Variants in ZNF117 observed in about 807,000 individuals in gnomAD.
ZNF117 encodes the protein zinc finger protein 117, also known as Krueppel-related zinc finger protein.
In ZNF117, 37 loss-of-function variants were observed where a neutral mutation model predicts 41.2. The observed-to-expected ratio is 0.90, with a 90% CI of 0.69 to 1.18. The LOEUF (loss-of-function observed/expected upper bound fraction) is 1.18. Among genes scored for constraint, ZNF117 ranks in the 50% most tolerant of loss-of-function variants. The pLI is 0.00. For missense variants in ZNF117, 546 were observed against 557.5 expected (o/e 0.98, Z 0.21); for synonymous variants, 186 against 186.6 (o/e 1.00, Z 0.02).
At chr7:64,978,071 A>T (rs1203432893) in exon 3 of ZNF117, 2 of 1,565,312 alleles carry the variant, frequency 1.3e-6, no homozygotes. Context: ...CACACTTGTA[A>T]GGTTTCTCTC....
chr7:64,974,592 A>G (rs1160933643), exon 3 of ZNF117: 2 of 151,946 alleles, frequency 1.3e-5, no homozygotes, highest in Non-Finnish European at 3.0e-5. Context: ...ATTTATTTTT[A>G]GAGTAATATA....
chr7:64,976,050 A>G (rs1489203165), exon 3 of ZNF117: 1 of 152,196 alleles, frequency 6.6e-6, no homozygotes, highest in Non-Finnish European at 1.5e-5. Flanking sequence ...CCTTTAGTAC[A>G]TAATGTGTAC....
exon 3 of ZNF117, chr7:64,977,581 T>C (rs1584045627): frequency 3.4e-6 from 2 of 581,684 alleles, no homozygotes; most frequent in East Asian, 5.0e-5. Flanking sequence ...TTCTCTCCAG[T>C]ATGAATTCTT....
chr7:64,978,773 TTCAG>T lies in ZNF117; in HGVS notation c.794_797del (p.Thr265AsnfsTer88). On this transcript the variant is annotated frameshift_variant, in exon 3 of 3. Transcript: ENST00000620222. LOFTEE classifies it high-confidence loss of function. Reference sequence around the variant, plus strand: ...TCTCTCCAGTATGAATGTACTTATGTTCAGTAAGTTTTGAGGATCGGTTAAAAGC... The same window carrying T: ...TCTCTCCAGTATGAATGTACTTATGTTAAGTTTTGAGGATCGGTTAAAAGC... The T allele has an allele frequency of 6.2e-7, 1 of 1,613,440 alleles. No homozygotes were observed.
chr7:64,979,658 G>C (rs1785982037), intron 2 of ZNF117, 122 bp from the exon 4 acceptor site: 3 of 677,756 alleles, frequency 4.4e-6, no homozygotes, highest in Non-Finnish European at 6.6e-6. Flanking sequence ...AATACCACAG[G>C]TTCTAATTCC....
chr7:64,990,346 G>C (rs1345648942), exon 1 of ZNF117: 1 of 166,790 alleles, frequency 6.0e-6, no homozygotes, highest in African/African-American at 2.4e-5. Context: ...CAGGAGGCCG[G>C]AGAGATCACT....
downstream of ZNF117, chr7:64,973,096 G>A (rs1449401145): frequency 1.3e-5 from 2 of 151,778 alleles, no homozygotes; most frequent in Non-Finnish European, 2.9e-5. Context: ...CTATAGTTAG[G>A]TGACAAAAAG....
chr7:64,982,144 A>G, upstream of ZNF117: 1 of 763,646 alleles, frequency 1.3e-6, no homozygotes, highest in Non-Finnish European at 2.2e-6. Flanking sequence ...ACACACATAC[A>G]CAAAATCACA....
chr7:64,990,964 C>T lies in ZNF117; in HGVS notation c.-1213G>A, dbSNP rs567539508. The T allele has an allele frequency of 2.8e-6, 1 of 355,702 alleles. No homozygotes were observed. The highest frequency in any genetic ancestry group is 4.3e-5 in the Admixed American group (1 of 23,110). 22.0% of individuals were successfully genotyped at this position (355,702 alleles called of 1,614,324 possible). On this transcript the variant is annotated 5_prime_UTR_variant, in exon 1 of 4. The change creates a new upstream start codon in the 5' untranslated region. Coordinates refer to the ZNF117 transcript ENST00000282869. ...AAGTAAAGTTTAAGAGAAAGCATCA[C>T]TATCTTCATTTACTTCAAGAGGAAG...
chr7:64,981,249 G>T, intron 2 of ZNF117, 138 bp downstream of exon 3: 1 of 1,100,318 alleles, frequency 9.1e-7, no homozygotes, highest in Non-Finnish European at 1.3e-6. Flanking sequence ...CTATGTGAGA[G>T]AAAAATAAAA....
At chr7:64,974,647 T>C (rs1441605659) in exon 3 of ZNF117, 1 of 151,942 alleles carries the variant, frequency 6.6e-6, no homozygotes, top group Admixed American at 6.5e-5. Context: ...AATTCTGTTA[T>C]GTTTGCAGGC....
chr7:64,979,073 T>G, exon 3 of ZNF117: 1 of 1,613,120 alleles, frequency 6.2e-7, no homozygotes, highest in African/African-American at 1.3e-5. Context: ...ATTCTTTACA[T>G]TTGTAAGGTT....
intron 2 of ZNF117, 105 bp downstream of exon 3, chr7:64,981,282 C>G: frequency 1.4e-6 from 2 of 1,441,188 alleles, no homozygotes; most frequent in Middle Eastern, 3.5e-4. Context: ...TTTCCAGAAA[C>G]TATTTCCTTT....
exon 2 of ZNF117, chr7:64,981,471 A>T (rs1384614133): frequency 6.3e-7 from 1 of 1,591,746 alleles, no homozygotes; most frequent in Non-Finnish European, 8.6e-7. Context: ...TCTGGCTTAG[A>T]GACAGCAATA....
rs1224552180 is a variant in ZNF117 at position 64,975,272 on chromosome 7, A to T, written c.*2847T>A. 1.5e-4 allele frequency: 19 copies of T among 125,582 alleles called. 1 individual carries two copies. In the Admixed American group the frequency reaches 1.7e-3, roughly 11 times the overall value. 7.8% of individuals were successfully genotyped at this position (125,582 alleles called of 1,614,324 possible). ...AGTTCACAATAATCTAAAATTTTTT[A>T]AATGTGCTGCATTTTATTACATAAA... is the stretch of plus-strand genomic sequence containing the variant. On this transcript the variant is annotated 3_prime_UTR_variant, in exon 3 of 3. Coordinates refer to ENST00000620222, the Ensembl canonical transcript of ZNF117.
upstream of ZNF117, among the ~76,000 whole-genome samples, chr7:64,983,016 G>C (rs1220002279): frequency 2.6e-5 from 4 of 152,184 alleles, no homozygotes; most frequent in Admixed American, 2.0e-4. Context: ...GAAACTTCAA[G>C]ATACAGATAA....
rs375655270 is a variant in ZNF117 at position 64,981,916 on chromosome 7, CA to C, written c.-63+67del. On this transcript the variant is annotated intron_variant, in intron 1 of 2. Transcript: ENST00000620222. The stretch of plus-strand genomic sequence containing the variant: ...TCAATTTATGCAAAGCATAAATCAC[CA>C]AAAACATTCTACAAAAAAGAGAATT... 4.2e-5 allele frequency: 19 copies of C among 447,344 alleles called. No homozygotes were observed. The East Asian group carries it at 6.7e-4, about 16-fold the overall frequency. 27.7% of individuals were successfully genotyped at this position (447,344 alleles called of 1,614,324 possible).
chr7:64,975,170 G>T lies in ZNF117; in HGVS notation c.*2949C>A, dbSNP rs535213186. ...CTTGAGTAAGGTGGGATAGGTTGAA[G>T]TTAGTGGCATGATAATACTTCACTG... is the stretch of plus-strand genomic sequence containing the variant. On this transcript the variant is annotated 3_prime_UTR_variant, in exon 3 of 3. Coordinates refer to ENST00000620222, the Ensembl canonical transcript of ZNF117. 189 of 151,848 alleles carry T rather than the reference G, an allele frequency of 1.2e-3. 1 individual carries two copies. Among genetic ancestry groups the T allele is most frequent in the African/African-American group, 4.1e-3 (172 of 41,486 alleles). 9.4% of individuals were successfully genotyped at this position (151,848 alleles called of 1,614,324 possible). A position where few individuals can be genotyped will look rare whatever the true frequency, so the allele number is the denominator to read the frequency against.
At chr7:64,981,466 C>A (rs1786031903) in exon 2 of ZNF117, 1 of 1,602,690 alleles carries the variant, frequency 6.2e-7, no homozygotes, top group Non-Finnish European at 8.5e-7. Flanking sequence ...TCAGGTCTGG[C>A]TTAGAGACAG....
Sources: gnomAD v4.1 joint callset for allele counts (sites outside exome capture counted in the v4.1 genomes callset) on GRCh38, gnomAD v4.1.1 for gene constraint, MANE v1.5 for transcripts, NCBI Gene and HGNC (gene_info 2026-07-23, HGNC 2026-07-21) for gene names.